Variants in PIK3R3 observed in about 807,000 individuals in gnomAD.
PIK3R3 encodes the protein phosphoinositide-3-kinase regulatory subunit 3.
Under a neutral mutation model 62.9 loss-of-function variants are expected in PIK3R3, and 64 were observed. The observed-to-expected ratio is 1.02, with a 90% CI of 0.83 to 1.25. PIK3R3 has a LOEUF of 1.25. Among genes scored for constraint, PIK3R3 ranks in the 50% most tolerant of loss-of-function variants. PIK3R3 has a pLI of 0.00. For synonymous variants in PIK3R3, 165 were observed against 189.0 expected, an observed-to-expected ratio of 0.87 and a Z score of 1.04; for missense variants, 614 against 561.6, an observed-to-expected ratio of 1.09 and a Z score of -0.94.
chr1:46,043,038 T>G lies in PIK3R3; in HGVS notation c.*635A>C, dbSNP rs1003746623. On this transcript the variant is annotated 3_prime_UTR_variant, in exon 10 of 10. Coordinates refer to ENST00000262741, the MANE Select transcript of PIK3R3 (RefSeq NM_003629.4). The stretch of plus-strand genomic sequence containing the variant: ...TTTGTTGGCTTCTGAACATAATACT[T>G]CTTCAGAGGGAGGGGCTGGTGAGAT... The G allele has an allele frequency of 3.1e-5, 7 of 225,236 alleles. No individual in the cohort carries two copies. The highest frequency in any genetic ancestry group is 1.6e-4 in the African/African-American group (7 of 44,924). The allele number at this position is 225,236 out of a possible 1,614,324, so 14.0% of individuals were successfully genotyped here.
At chr1:46,140,857 GT>G in the PIK3R3 span, among the ~76,000 whole-genome samples, 5 of 151,278 alleles carry the variant, frequency 3.3e-5, no homozygotes, top group Non-Finnish European at 7.4e-5. Flanking sequence ...TTTGTTTTTT[GT>G]TTTTTTGTTT....
chr1:46,067,813 T>C (rs1649143543), intron 3 of PIK3R3, among the ~76,000 whole-genome samples: 1 of 152,234 alleles, frequency 6.6e-6, no homozygotes, highest in Non-Finnish European at 1.5e-5. Context: ...TGTAATTTCA[T>C]GCTTGGACAG....
intron 1 of PIK3R3, among the ~76,000 whole-genome samples, chr1:46,101,980 CTTTTTTTTTT>C (rs538688681): frequency 1.1e-5 from 1 of 89,930 alleles, no homozygotes; most frequent in East Asian, 3.5e-4. Context: ...GAATTGTATA[CTTTTTTTTTT>C]TTTTTTTTTT....
At chr1:46,088,593 G>A (rs566711423) in intron 1 of PIK3R3, among the ~76,000 whole-genome samples, 6 of 152,176 alleles carry the variant, frequency 3.9e-5, no homozygotes, top group East Asian at 3.8e-4. Flanking sequence ...CTCCCAGGAA[G>A]TGGAACAAAG....
At chr1:46,109,968 T>C (rs528195133) in intron 1 of PIK3R3, among the ~76,000 whole-genome samples, 110 of 152,288 alleles carry the variant, frequency 7.2e-4, no homozygotes, top group Middle Eastern at 6.8e-3. Flanking sequence ...ATTTTCCTAT[T>C]ACTTTCCCAC....
chr1:46,057,151 T>C (rs551890463), intron 6 of PIK3R3: 6 of 152,686 alleles, frequency 3.9e-5, no homozygotes, highest in East Asian at 3.8e-4. Context: ...CAAGATCTGA[T>C]GGTTTTATCA....
At chr1:46,171,553 C>T in the PIK3R3 span, among the ~76,000 whole-genome samples, 17 of 152,150 alleles carry the variant, frequency 1.1e-4, no homozygotes, top group Admixed American at 3.9e-4. Context: ...GTGGGGTGAC[C>T]GGTATTGCAT....
intron 1 of PIK3R3, among the ~76,000 whole-genome samples, chr1:46,085,404 T>G (rs1386507918): frequency 6.6e-6 from 1 of 152,214 alleles, no homozygotes; most frequent in Non-Finnish European, 1.5e-5. Context: ...TTCAAGATAA[T>G]TCATTGTTCC....
intron 6 of PIK3R3, among the ~76,000 whole-genome samples, chr1:46,058,341 G>A (rs182942190): frequency 1.2e-3 from 189 of 152,360 alleles, no homozygotes; most frequent in Middle Eastern, 0.01. Context: ...GGTCGAAGCC[G>A]CCACACAGAG....
chr1:46,066,772 C>G, intron 4 of PIK3R3, 139 bp downstream of exon 4: 1 of 743,240 alleles, frequency 1.3e-6, no homozygotes, highest in East Asian at 2.7e-5. Flanking sequence ...GCCTGGGCAA[C>G]AGAGACCCTG....
At chr1:46,121,566 G>A (rs1385405300) in intron 1 of PIK3R3, among the ~76,000 whole-genome samples, 1 of 152,046 alleles carries the variant, frequency 6.6e-6, no homozygotes, top group Non-Finnish European at 1.5e-5. Flanking sequence ...AGGCTGCGGT[G>A]GGAGGATTGC....
At chr1:46,049,907 A>C (rs1236789544) in intron 7 of PIK3R3, among the ~76,000 whole-genome samples, 4 of 151,542 alleles carry the variant, frequency 2.6e-5, no homozygotes, top group Non-Finnish European at 5.9e-5. Flanking sequence ...ATCACCTGAG[A>C]TCAGGAGTTC....
At chr1:46,084,744 CCTAA>C (rs1308424168) in intron 1 of PIK3R3, among the ~76,000 whole-genome samples, 39 of 152,210 alleles carry the variant, frequency 2.6e-4, no homozygotes, top group Middle Eastern at 3.4e-3. Context: ...CATAGAAATA[CCTAA>C]CTATAATACT....
At chr1:46,130,534 T>C (rs1478606005) in intron 1 of PIK3R3, among the ~76,000 whole-genome samples, 2 of 151,880 alleles carry the variant, frequency 1.3e-5, no homozygotes, top group Non-Finnish European at 2.9e-5. Flanking sequence ...TACTAGTTTT[T>C]AGTACAGCAC....
chr1:46,150,533 A>T, the PIK3R3 span, among the ~76,000 whole-genome samples: 1 of 152,218 alleles, frequency 6.6e-6, no homozygotes, highest in African/African-American at 2.4e-5. Context: ...ACTTTAACTT[A>T]TGCTGCTTAC....
intron 1 of PIK3R3, among the ~76,000 whole-genome samples, chr1:46,090,505 TGTATTTTTA>T (rs1557599263): frequency 1.3e-5 from 2 of 151,888 alleles, no homozygotes; most frequent in Non-Finnish European, 2.9e-5. Context: ...CTAGTTTTTT[TGTATTTTTA>T]GTAGAGATGG....
the PIK3R3 span, among the ~76,000 whole-genome samples, chr1:46,169,626 G>A: frequency 6.6e-6 from 1 of 152,152 alleles, no homozygotes; most frequent in Non-Finnish European, 1.5e-5. Flanking sequence ...GGTATAAGTA[G>A]GTAGAACAGC....
At chr1:46,172,978 GCCAGGCGCTGTCTC>G in the PIK3R3 span, among the ~76,000 whole-genome samples, 1 of 151,988 alleles carries the variant, frequency 6.6e-6, no homozygotes, top group South Asian at 2.1e-4. Flanking sequence ...GGGCAACAGA[GCCAGGCGCTGTCTC>G]AAAAAAAAAA....
intron 1 of PIK3R3, among the ~76,000 whole-genome samples, chr1:46,126,989 A>G (rs1423732118): frequency 6.6e-6 from 1 of 152,032 alleles, no homozygotes; most frequent in Admixed American, 6.6e-5. Context: ...ATGTTTTGCA[A>G]AACAAAACTT....
Sources: gnomAD v4.1 joint callset for allele counts (sites outside exome capture counted in the v4.1 genomes callset) on GRCh38, gnomAD v4.1.1 for gene constraint, MANE v1.5 for transcripts, NCBI Gene and HGNC (gene_info 2026-07-23, HGNC 2026-07-21) for gene names.